GABRA2: variants seen among roughly 807,000 people sequenced by gnomAD.
GABRA2 encodes gamma-aminobutyric acid type A receptor subunit alpha2, also known as gamma-aminobutyric acid receptor subunit alpha-2.
Under a neutral mutation model 48.7 loss-of-function variants are expected in GABRA2, and 16 were observed. That is an observed-to-expected ratio of 0.33 (90% CI 0.22 to 0.50). The LOEUF (loss-of-function observed/expected upper bound fraction) is 0.50, where lower values mean the gene tolerates loss of function less well. GABRA2 is among the 20% of genes least tolerant of loss of function. GABRA2 has a pLI of 0.98. For synonymous variants in GABRA2, 185 were observed against 184.5 expected (o/e 1.00, Z -0.02); for missense variants, 275 against 535.6 (o/e 0.51, Z 4.80).
At position 46,250,388 on chromosome 4, in the gene GABRA2, G is replaced by C. The variant is rs754301188; in HGVS notation, c.1276C>G (p.Pro426Ala). The C allele has an allele frequency of 6.2e-7, 1 of 1,611,438 alleles. No homozygotes were observed. Among genetic ancestry groups the C allele is most frequent in the Non-Finnish European group, 8.5e-7 (1 of 1,178,438 alleles). The change falls in exon 10 of 10, where the codon CCA (proline) becomes GCA (alanine). Residue 426 changes from proline to alanine, a missense_variant. Around this residue, in one of 4 missense-constraint regions of GABRA2, gnomAD observed 99 missense variants for 124.3 expected, o/e 0.80. Coordinates refer to ENST00000381620, the MANE Select transcript of GABRA2 (RefSeq NM_000807.4). ...AAATTAAAGGTACCAAACAAAACTG[G>C]AAAAACTATTCTGGACATTCTGTCA... ...KIDRMSRIVF[P>A]VLFGTFNLVY...
intron 6 of GABRA2, among the ~76,000 whole-genome samples, chr4:46,307,076 T>G (rs1032511388): frequency 5.9e-5 from 9 of 152,194 alleles, no homozygotes; most frequent in Non-Finnish European, 1.2e-4. Context: ...GAAATAGGAT[T>G]CTAAAAATGT....
chr4:46,285,220 C>A (rs924489987), intron 8 of GABRA2, among the ~76,000 whole-genome samples: 1 of 151,886 alleles, frequency 6.6e-6, no homozygotes, highest in East Asian at 1.9e-4. Context: ...CAAAATAACT[C>A]ATAGAATACT....
At chr4:46,271,159 C>A (rs910951253) in intron 8 of GABRA2, among the ~76,000 whole-genome samples, 1 of 151,874 alleles carries the variant, frequency 6.6e-6, no homozygotes, top group South Asian at 2.1e-4. Context: ...CAAACAGGCA[C>A]GAAAGACTGC....
At chr4:46,312,399 T>C (rs1578008221) in intron 5 of GABRA2, 97 bp downstream of exon 5, 1 of 758,784 alleles carries the variant, frequency 1.3e-6, no homozygotes, top group East Asian at 2.7e-5. Flanking sequence ...TAGAAAACAC[T>C]CAACTTTGTT....
At chr4:46,385,550 G>A (rs1199990893) in intron 3 of GABRA2, among the ~76,000 whole-genome samples, 1 of 151,970 alleles carries the variant, frequency 6.6e-6, no homozygotes, top group Non-Finnish European at 1.5e-5. Flanking sequence ...GTCTTTGAAA[G>A]TTTCAAGAAT....
intron 8 of GABRA2, among the ~76,000 whole-genome samples, chr4:46,264,127 T>A (rs1322622863): frequency 6.8e-6 from 1 of 146,232 alleles, no homozygotes. Context: ...GTTGAGACTG[T>A]TCATTGCTTA....
chr4:46,337,352 C>A (rs938228768), intron 3 of GABRA2, among the ~76,000 whole-genome samples: 9 of 151,824 alleles, frequency 5.9e-5, no homozygotes, highest in Admixed American at 6.6e-5. Flanking sequence ...AAAGTCAAGT[C>A]CCACAAATAA....
At chr4:46,371,849 A>G (rs1265130223) in intron 3 of GABRA2, among the ~76,000 whole-genome samples, 1 of 152,202 alleles carries the variant, frequency 6.6e-6, no homozygotes, top group Non-Finnish European at 1.5e-5. Context: ...AATAATATTT[A>G]GTGAGCACTT....
intron 9 of GABRA2, among the ~76,000 whole-genome samples, chr4:46,251,460 T>C (rs537024876): frequency 2.6e-5 from 4 of 151,588 alleles, no homozygotes; most frequent in Admixed American, 6.6e-5. Context: ...ATAACCTCAG[T>C]TTTCAAAATA....
intron 3 of GABRA2, among the ~76,000 whole-genome samples, chr4:46,337,720 A>G (rs1335304199): frequency 6.6e-6 from 1 of 151,312 alleles, no homozygotes; most frequent in Non-Finnish European, 1.5e-5. Flanking sequence ...GTTTGTTTTA[A>G]AGTAATATTG....
rs1325759462 is a variant in GABRA2 at position 46,245,365 on chromosome 4, G to T, written c.*4943C>A. ...ACACAAGCCTCCGTTGAGAAACCTG[G>T]CATTCAAAGATGTTTCTATTCTATC... On this transcript the variant is annotated 3_prime_UTR_variant, in exon 10 of 10. Coordinates refer to ENST00000381620, the MANE Select transcript of GABRA2 (RefSeq NM_000807.4). 6.6e-6 allele frequency among the ~76,000 whole-genome samples: 1 copy of T among 151,080 alleles called. No homozygotes were observed. The highest frequency in any genetic ancestry group is 1.5e-5 in the Non-Finnish European group (1 of 67,420).
At chr4:46,274,118 T>A (rs1015502991) in intron 8 of GABRA2, among the ~76,000 whole-genome samples, 1 of 152,120 alleles carries the variant, frequency 6.6e-6, no homozygotes, top group Non-Finnish European at 1.5e-5. Flanking sequence ...ACAGAAGGAT[T>A]GCTGATGAAC....
chr4:46,298,772 T>G (rs970284702), intron 8 of GABRA2, among the ~76,000 whole-genome samples: 1 of 151,876 alleles, frequency 6.6e-6, no homozygotes, highest in Non-Finnish European at 1.5e-5. Context: ...GGGAGCTTTT[T>G]TAGAAATGTT....
intron 3 of GABRA2, among the ~76,000 whole-genome samples, chr4:46,339,608 C>T (rs1388008018): frequency 1.3e-5 from 2 of 151,810 alleles, no homozygotes; most frequent in African/African-American, 4.8e-5. Flanking sequence ...TATACAATTG[C>T]AGACATGATA....
chr4:46,313,520 T>C (rs1032660101), intron 4 of GABRA2, among the ~76,000 whole-genome samples: 2 of 152,042 alleles, frequency 1.3e-5, no homozygotes, highest in Non-Finnish European at 2.9e-5. Flanking sequence ...CTAGTGATCA[T>C]GTCCTCTATT....
rs1424015507 is a variant in GABRA2 at position 46,319,495 on chromosome 4, G to A, written c.256-6779C>T. ...TCTTGGAATACACAAGAATAATGAA[G>A]CTCGAATACTTTCAGTTGGTACTCA... On this transcript the variant is annotated intron_variant, in intron 4 of 9. Transcript: ENST00000381620. Among the ~76,000 whole-genome samples, 2 of 151,704 alleles carry A rather than the reference G, an allele frequency of 1.3e-5. 1 individual carries two copies. Among genetic ancestry groups the A allele is most frequent in the Admixed American group, 1.3e-4 (2 of 15,140 alleles).
intron 8 of GABRA2, among the ~76,000 whole-genome samples, chr4:46,273,756 C>CA (rs1309472166): frequency 2.6e-5 from 4 of 151,850 alleles, no homozygotes; most frequent in Non-Finnish European, 5.9e-5. Flanking sequence ...TTTTCTGTTT[C>CA]TTGTATCTCT....
Position 46,338,525 on chromosome 4 carries a change from G to T in GABRA2, c.188-5843C>A, listed in dbSNP as rs138378434. Among the ~76,000 whole-genome samples, 534 of 151,844 alleles carry T rather than the reference G, an allele frequency of 3.5e-3. 1 individual carries two copies. Among genetic ancestry groups the T allele is most frequent in the African/African-American group, 0.012 (485 of 41,470 alleles). On this transcript the variant is annotated intron_variant, in intron 3 of 9. Transcript: ENST00000381620. ...CAGGCATTCATTATTATTTTAAAAA[G>T]CTTATCTTTATAAAGTTAATAATAA...
intron 8 of GABRA2, among the ~76,000 whole-genome samples, chr4:46,273,506 T>TATATATATATATATATATATATATATGC (rs1719859554): frequency 3.5e-5 from 1 of 28,264 alleles, no homozygotes; most frequent in African/African-American, 1.5e-4. Flanking sequence ...TATATGCATA[T>TATATATATATATATATATATATATATGC]ATATATATAT....
Sources: gnomAD v4.1 joint callset for allele counts (sites outside exome capture counted in the v4.1 genomes callset) on GRCh38, gnomAD v4.1.1 for gene constraint, gnomAD v4.1.1 regional missense constraint, MANE v1.5 for transcripts, NCBI Gene and HGNC (gene_info 2026-07-23, HGNC 2026-07-21) for gene names.